Variants in ANK3 observed in about 807,000 individuals in gnomAD.
ANK3 encodes the protein ankyrin-3.
A neutral mutation model predicts 370.9 loss-of-function variants in ANK3; 57 were observed. The ratio of observed to expected loss-of-function variants is 0.15; its 90% CI spans 0.12 to 0.19. The LOEUF is 0.19. Among genes scored for constraint, ANK3 ranks in the 10% least tolerant of loss-of-function variants. The pLI is 1.00. For missense variants in ANK3, 4,439 were observed against 5,302.1 expected, an observed-to-expected ratio of 0.84 and a Z score of 5.06; for synonymous variants, 1,929 against 1,946.3, an observed-to-expected ratio of 0.99 and a Z score of 0.23.
chr10:60,281,681 C>T (rs193125229), intron 1 of ANK3, among the ~76,000 whole-genome samples: 1 of 152,258 alleles, frequency 6.6e-6, no homozygotes, highest in Admixed American at 6.5e-5. Flanking sequence ...GTGGAAATAA[C>T]TATTAATTAA....
intron 2 of ANK3, among the ~76,000 whole-genome samples, chr10:60,468,647 G>A (rs12777495): frequency 2.0e-5 from 3 of 151,820 alleles, no homozygotes; most frequent in Non-Finnish European, 4.4e-5. Flanking sequence ...TCCCAGCTCT[G>A]TCATTTACTA....
chr10:60,195,116 G>A (rs556858524), intron 16 of ANK3, among the ~76,000 whole-genome samples: 2 of 152,226 alleles, frequency 1.3e-5, no homozygotes, highest in South Asian at 2.1e-4. Flanking sequence ...GGCCGGGCGC[G>A]GTGTGTCACG....
intron 8 of ANK3, among the ~76,000 whole-genome samples, chr10:60,223,225 G>A (rs908302255): frequency 1.3e-5 from 2 of 152,122 alleles, no homozygotes; most frequent in Non-Finnish European, 2.9e-5. Flanking sequence ...CAATAATCTT[G>A]TCAAGTCAGT....
intron 25 of ANK3, among the ~76,000 whole-genome samples, chr10:60,127,507 C>T (rs2093823618): frequency 6.6e-6 from 1 of 152,152 alleles, no homozygotes; most frequent in African/African-American, 2.4e-5. Context: ...TTACATGTTT[C>T]TGCCTACAGT....
At chr10:60,056,207 T>C (rs969878545) in intron 41 of ANK3, among the ~76,000 whole-genome samples, 171 bp from the exon 42 acceptor site, 2 of 152,236 alleles carry the variant, frequency 1.3e-5, no homozygotes, top group African/African-American at 4.8e-5. Context: ...CAGTGGCTCA[T>C]GCCTGTAATC....
Position 60,086,919 on chromosome 10 carries a change from CTTTTT to C in ANK3, c.3541-40_3541-36del. 1.2e-5 allele frequency: 12 copies of C among 986,850 alleles called. No homozygotes were observed. In the Admixed American group the frequency reaches 1.6e-4, roughly 13 times the overall value. The allele number at this position is 986,850 out of a possible 1,614,324, so 61.1% of individuals were successfully genotyped here. A position where few individuals can be genotyped will look rare whatever the true frequency, so the allele number is the denominator to read the frequency against. ...GAGAAAGGACTTTAAATGAAAGTGA[CTTTTT>C]TTTTTTTTTTTCCCAATCATGAAGT... is the stretch of plus-strand genomic sequence containing the variant. On this transcript the variant is annotated intron_variant, in intron 29 of 43. Coordinates refer to ENST00000280772, the MANE Select transcript of ANK3 (RefSeq NM_020987.5).
chr10:60,315,434 A>C (rs904456105), intron 1 of ANK3, among the ~76,000 whole-genome samples: 1 of 152,144 alleles, frequency 6.6e-6, no homozygotes, highest in East Asian at 1.9e-4. Flanking sequence ...AGAACCCAAG[A>C]AGAAGTTGGG....
intron 7 of ANK3, among the ~76,000 whole-genome samples, chr10:60,240,048 C>CACATATATATACAT (rs1555184806): frequency 1.2e-4 from 17 of 143,430 alleles, no homozygotes; most frequent in Non-Finnish European, 1.8e-4. Flanking sequence ...CATATATATA[C>CACATATATATACAT]ATATATACAC....
chr10:60,392,194 G>A (rs1246445280), upstream of ANK3, among the ~76,000 whole-genome samples: 2 of 152,166 alleles, frequency 1.3e-5, no homozygotes, highest in African/African-American at 2.4e-5. Flanking sequence ...AGCCACAAAT[G>A]CCAGTTTCCC....
At chr10:60,622,255 T>TC (rs2078347447) in intron 1 of ANK3, among the ~76,000 whole-genome samples, 1 of 151,874 alleles carries the variant, frequency 6.6e-6, no homozygotes, top group South Asian at 2.1e-4. Context: ...CTGAGGCTTT[T>TC]TTTTTTTGAG....
At chr10:60,221,475 C>A (rs2097056881) in intron 8 of ANK3, among the ~76,000 whole-genome samples, 1 of 152,110 alleles carries the variant, frequency 6.6e-6, no homozygotes, top group Admixed American at 6.6e-5. Context: ...CCTCTGGGTA[C>A]CTAACTCAGC....
At chr10:60,064,669 ACAG>A (rs776240864) in intron 38 of ANK3, among the ~76,000 whole-genome samples, 11,115 of 39,688 alleles carry the variant, frequency 0.28, 565 homozygotes, top group Middle Eastern at 0.41. Context: ...CTCCATACAC[ACAG>A]CAACAACAAC....
At chr10:60,469,763 T>C (rs753003219) in intron 2 of ANK3, among the ~76,000 whole-genome samples, 15 of 148,598 alleles carry the variant, frequency 1.0e-4, no homozygotes, top group African/African-American at 3.5e-4. Context: ...TCTCTTCCAA[T>C]TGTAAACTTT....
chr10:60,094,181 ATTTTTT>A (rs1169437967), intron 28 of ANK3, among the ~76,000 whole-genome samples: 3 of 116,390 alleles, frequency 2.6e-5, no homozygotes, highest in East Asian at 2.5e-4. Context: ...ACAGTATTCT[ATTTTTT>A]TTTTTTTTTT....
At chr10:60,326,893 G>A (rs373540013) in intron 1 of ANK3, among the ~76,000 whole-genome samples, 10,345 of 151,724 alleles carry the variant, frequency 0.068, 942 homozygotes, top group African/African-American at 0.21. Flanking sequence ...CGGTGCGGGC[G>A]CCTTTAGTCC....
At chr10:60,134,618 C>T (rs1387843491) in intron 24 of ANK3, among the ~76,000 whole-genome samples, 1 of 152,184 alleles carries the variant, frequency 6.6e-6, no homozygotes, top group Admixed American at 6.5e-5. Flanking sequence ...TGCATGAAAA[C>T]TTTGGATGTT....
intron 23 of ANK3, among the ~76,000 whole-genome samples, chr10:60,163,083 T>C (rs1035193058): frequency 2.6e-5 from 4 of 152,110 alleles, no homozygotes; most frequent in Non-Finnish European, 5.9e-5. Context: ...TTTCCCTCTT[T>C]TTCTTTCTCT....
intron 1 of ANK3, among the ~76,000 whole-genome samples, chr10:60,712,833 C>T (rs892365138): frequency 6.6e-6 from 1 of 152,100 alleles, no homozygotes. Flanking sequence ...AAAACGCTGA[C>T]TTCAGAGCAA....
At chr10:60,172,239 C>G in intron 21 of ANK3, 69 bp downstream of exon 21, 1 of 1,253,588 alleles carries the variant, frequency 8.0e-7, no homozygotes, top group East Asian at 2.3e-5. Context: ...ATATTCATCT[C>G]AGAAAAACCC....
Sources: gnomAD v4.1 joint callset for allele counts (sites outside exome capture counted in the v4.1 genomes callset) on GRCh38, gnomAD v4.1.1 for gene constraint, MANE v1.5 for transcripts, NCBI Gene and HGNC (gene_info 2026-07-23, HGNC 2026-07-21) for gene names.